The following PPIL2 variants were observed in gnomAD, a reference collection of about 807,000 sequenced individuals.
The protein encoded by PPIL2 is peptidylprolyl isomerase like 2, also known as RING-type E3 ubiquitin-protein ligase PPIL2.
Under a neutral mutation model 75.2 loss-of-function variants are expected in PPIL2, and 50 were observed. The ratio of observed to expected loss-of-function variants is 0.66; its 90% confidence interval spans 0.53 to 0.84. PPIL2 has a LOEUF of 0.84. PPIL2 is among the 40% of genes least tolerant of loss of function. The probability of loss-of-function intolerance (pLI) is 0.00; values close to 1 mark genes in which losing one functional copy is unlikely to be tolerated. For missense variants in PPIL2, 590 were observed against 685.0 expected, an observed-to-expected ratio of 0.86 and a Z score of 1.55; for synonymous variants, 245 against 258.8, an observed-to-expected ratio of 0.95 and a Z score of 0.51.
In PPIL2 at chr22:21,686,475, C is replaced by T. The variant is rs1163591869; in HGVS notation, c.715-8C>T. 4 of 1,613,974 alleles carry T rather than the reference C, an allele frequency of 2.5e-6. No homozygotes were observed. The highest frequency in any genetic ancestry group is 2.2e-5 in the East Asian group (1 of 44,860). On this transcript the variant is annotated splice_region_variant and splice_polypyrimidine_tract_variant and intron_variant, in intron 10 of 19. Transcript: ENST00000398831. ...ACTGCTGAGGTGCCACCCTGGTTTC[C>T]TTGGCAGGCCCACTATTCCACAGGG... is the stretch of plus-strand genomic sequence containing the variant.
At chr22:21,686,606 G>T (rs764954121) in intron 11 of PPIL2, 48 bp downstream of exon 11, 1 of 1,577,782 alleles carries the variant, frequency 6.3e-7, no homozygotes, top group Non-Finnish European at 8.7e-7. Flanking sequence ...CCCAAAAGTG[G>T]CAGGGGGTGG....
chr22:21,674,084 C>A (rs893213156), intron 5 of PPIL2, among the ~76,000 whole-genome samples: 1 of 152,176 alleles, frequency 6.6e-6, no homozygotes, highest in South Asian at 2.1e-4. Context: ...GCTTAGGGCC[C>A]AGCCCCAGGA....
At chr22:21,693,947 A>T in intron 16 of PPIL2, 75 bp downstream of exon 16, 1 of 1,458,224 alleles carries the variant, frequency 6.9e-7, no homozygotes, top group South Asian at 1.1e-5. Context: ...AGGCCTCCTC[A>T]CTGCCTTTTT....
chr22:21,688,658 G>T, intron 14 of PPIL2, 74 bp from the exon 15 acceptor site: 1 of 1,438,828 alleles, frequency 7.0e-7, no homozygotes, highest in Non-Finnish European at 9.7e-7. Context: ...GATGCCCCTC[G>T]GGACTCTGAG....
chr22:21,682,340 G>T, intron 7 of PPIL2, 97 bp from the exon 8 acceptor site: 1 of 1,013,400 alleles, frequency 9.9e-7, no homozygotes. Flanking sequence ...CTCTCAAATC[G>T]TGCCATGGTC....
intron 15 of PPIL2, among the ~76,000 whole-genome samples, chr22:21,689,951 G>T (rs8142802): frequency 0.3 from 46,168 of 152,068 alleles, 7,282 homozygotes; most frequent in Non-Finnish European, 0.35. Context: ...TCGTGGCTTC[G>T]CCGTGGCCTT....
At chr22:21,698,705 A>G (rs1181657299), downstream of PPIL2, 5 of 152,406 alleles carry the variant, frequency 3.3e-5, no homozygotes, top group African/African-American at 1.2e-4. Context: ...GACTGAAGCC[A>G]CAGGCATTGC....
At chr22:21,683,315 T>C in intron 9 of PPIL2, 58 bp downstream of exon 9, 1 of 1,461,688 alleles carries the variant, frequency 6.8e-7, no homozygotes, top group East Asian at 2.3e-5. Context: ...ATTGGGACAG[T>C]GCTCCCTGGG....
At chr22:21,686,018 C>T (rs1050251553) in intron 10 of PPIL2, among the ~76,000 whole-genome samples, 5 of 151,888 alleles carry the variant, frequency 3.3e-5, no homozygotes, top group South Asian at 4.2e-4. Flanking sequence ...AAAAATCAGC[C>T]AGGCGTGGTG....
At chr22:21,674,771 G>A (rs2066767017) in intron 5 of PPIL2, among the ~76,000 whole-genome samples, 2 of 152,200 alleles carry the variant, frequency 1.3e-5, no homozygotes, top group South Asian at 2.1e-4. Context: ...CCATAAAGAC[G>A]TCCAAACCCT....
intron 3 of PPIL2, 133 bp downstream of exon 3, chr22:21,670,744 G>A: frequency 9.4e-7 from 1 of 1,062,294 alleles, no homozygotes; most frequent in Non-Finnish European, 1.4e-6. Context: ...GTTCATGTTG[G>A]GAGAAGATGC....
chr22:21,676,880 C>A (rs1217618766), intron 6 of PPIL2, among the ~76,000 whole-genome samples: 1 of 152,250 alleles, frequency 6.6e-6, no homozygotes, highest in Non-Finnish European at 1.5e-5. Flanking sequence ...GGGTACACCT[C>A]CCAGATGGGG....
At position 21,681,401 on chromosome 22, in the gene PPIL2, G is replaced by A. The variant is rs775324858; in HGVS notation, c.387+11G>A. 3.1e-5 allele frequency: 49 copies of A among 1,602,622 alleles called. 1 individual carries two copies. The Admixed American group carries it at 5.8e-4, about 19-fold the overall frequency. ...GTCTACGCCTATGAGGTGTGTCCTC[G>A]CTCCGGGGCGTGGAGACAGCGGTGG... On this transcript the variant is annotated intron_variant, in intron 7 of 19. Transcript: ENST00000398831.
In PPIL2 at chr22:21,688,160, T is replaced by G. The variant is rs1056577539; in HGVS notation, c.1021+54T>G. The G allele has an allele frequency of 8.7e-6, 14 of 1,608,042 alleles. No individual in the cohort carries two copies. In the Admixed American group the frequency reaches 2.0e-4, roughly 23 times the overall value. On this transcript the variant is annotated intron_variant, in intron 14 of 19. Transcript: ENST00000398831. ...GGCACTTTGGCTGCTCCGTGGGGCA[T>G]GAGGGGGTAGCTGGGCAGGGGTTGT...
At chr22:21,690,474 T>C (rs901625806) in intron 15 of PPIL2, among the ~76,000 whole-genome samples, 1 of 152,194 alleles carries the variant, frequency 6.6e-6, no homozygotes, top group Non-Finnish European at 1.5e-5. Flanking sequence ...GGGGCTTTCA[T>C]TTCAGGGTTA....
In PPIL2 at chr22:21,697,131, T is replaced by C. The variant is rs2067969250; in HGVS notation, c.*1641T>C. 2 of 823,404 alleles carry C rather than the reference T, an allele frequency of 2.4e-6. No individual in the cohort carries two copies. Among genetic ancestry groups the C allele is most frequent in the Admixed American group, 5.5e-5 (2 of 36,582 alleles). 51.0% of individuals were successfully genotyped at this position (823,404 alleles called of 1,614,324 possible). On this transcript the variant is annotated 3_prime_UTR_variant, in exon 20 of 20. Transcript: ENST00000398831. ...TCCTCCGCAAGGCCTGGTGCAGCCC[T>C]GGCAGTAACTGGCTTGTAAGAGGCT...
At chr22:21,692,219 G>T (rs546841286) in intron 15 of PPIL2, among the ~76,000 whole-genome samples, 3 of 151,390 alleles carry the variant, frequency 2.0e-5, no homozygotes, top group Non-Finnish European at 2.9e-5. Flanking sequence ...GCAGCGGCGC[G>T]ATCTCGGCTC....
Position 21,671,172 on chromosome 22 carries a change from T to C in PPIL2, c.191+113T>C. 1.7e-5 allele frequency: 18 copies of C among 1,081,186 alleles called. No homozygotes were observed. In the South Asian group the frequency reaches 2.3e-4, roughly 14 times the overall value. The allele number at this position is 1,081,186 out of a possible 1,614,324, so 67.0% of individuals were successfully genotyped here. ...CTCTTGGGCACACAGAAGTAACAGC[T>C]AGGGCCTTGGGGACATGGCAGCAAT... On this transcript the variant is annotated intron_variant, in intron 4 of 19. Coordinates refer to ENST00000398831, the MANE Select transcript of PPIL2 (RefSeq NM_014337.4).
At position 21,696,980 on chromosome 22, in the gene PPIL2, A is replaced by T; in HGVS notation, c.*1490A>T. ...TCATGCTAAGAACAAGAACTGCGCC[A>T]TGGCTGGCTCCTTCTCTTCTCCAGC... On this transcript the variant is annotated 3_prime_UTR_variant, in exon 20 of 20. Coordinates refer to ENST00000398831, the MANE Select transcript of PPIL2 (RefSeq NM_014337.4). The T allele has an allele frequency of 6.4e-7, 1 of 1,556,432 alleles. No homozygotes were observed. The highest frequency in any genetic ancestry group is 8.7e-7 in the Non-Finnish European group (1 of 1,150,578).
Sources: gnomAD v4.1 joint callset for allele counts (sites outside exome capture counted in the v4.1 genomes callset) on GRCh38, gnomAD v4.1.1 for gene constraint, MANE v1.5 for transcripts, NCBI Gene and HGNC (gene_info 2026-07-23, HGNC 2026-07-21) for gene names.